Variants in SPDEF observed in about 807,000 individuals in gnomAD.
SPDEF encodes SAM pointed domain-containing Ets transcription factor.
SPDEF carries 12 observed loss-of-function variants against 36.0 expected under a neutral mutation model. The observed-to-expected ratio is 0.33, with a 90% confidence interval of 0.21 to 0.54. SPDEF has a LOEUF of 0.54. Ranked by LOEUF, SPDEF falls within the 20% of genes least tolerant of loss-of-function variation. SPDEF has a pLI of 0.93. For missense variants in SPDEF, 388 were observed against 456.9 expected (o/e 0.85, Z 1.37); for synonymous variants, 205 against 193.0 (o/e 1.06, Z -0.51).
At chr6:34,553,724 C>T (rs529357690) in intron 1 of SPDEF, among the ~76,000 whole-genome samples, 28 of 151,688 alleles carry the variant, frequency 1.8e-4, no homozygotes, top group African/African-American at 6.3e-4. Context: ...AAGGAAGAAG[C>T]GGAAGGTGAT....
At position 34,541,111 on chromosome 6, in the gene SPDEF, G is replaced by A; in HGVS notation, c.507C>T (p.Pro169=). The change falls in exon 3 of 6, where the codon CCC becomes CCT. Residue 169 remains proline (P), a synonymous_variant. Transcript: ENST00000374037. ...LLWTEHQYRL[P]PMGKAFQELA... The stretch of plus-strand genomic sequence containing the variant: ...GCTCCTGGAAGGCCTTGCCCATGGG[G>A]GGCAGCCGGTATTGGTGCTCTGTCC... The A allele has an allele frequency of 6.2e-7, 1 of 1,610,700 alleles. No individual in the cohort carries two copies. The highest frequency in any genetic ancestry group is 1.7e-5 in the Admixed American group (1 of 59,660).
At chr6:34,553,682 G>T (rs1768109785) in intron 1 of SPDEF, among the ~76,000 whole-genome samples, 1 of 152,126 alleles carries the variant, frequency 6.6e-6, no homozygotes, top group Non-Finnish European at 1.5e-5. Context: ...AGAGGAAAGA[G>T]AGAGGGAATG....
intron 2 of SPDEF, among the ~76,000 whole-genome samples, chr6:34,542,413 G>A (rs544825531): frequency 8.5e-5 from 13 of 152,358 alleles, no homozygotes; most frequent in Admixed American, 3.3e-4. Flanking sequence ...ACAGACACAT[G>A]TATGCCAGGC....
At chr6:34,542,886 CAAAA>C (rs758431726) in intron 2 of SPDEF, among the ~76,000 whole-genome samples, 66 of 53,560 alleles carry the variant, frequency 1.2e-3, no homozygotes, top group African/African-American at 4.0e-3. Flanking sequence ...GAGACCCTGT[CAAAA>C]AAAAAAAAAA....
At position 34,541,075 on chromosome 6, in the gene SPDEF, C is replaced by T. The variant is rs1427874145; in HGVS notation, c.543G>A (p.Lys181=). The T allele has an allele frequency of 6.2e-7, 1 of 1,612,134 alleles. No individual in the cohort carries two copies. Residue 181 remains lysine (K), a synonymous_variant, in exon 3 of 6, where the codon AAG becomes AAA. Coordinates refer to ENST00000374037, the MANE Select transcript of SPDEF (RefSeq NM_012391.3). ...MGKAFQELAG[K]ELCAMSEEQF... is the part of the protein sequence containing the mutation. Reference sequence around the variant, plus strand: ...GCTCCTCCGACATGGCGCACAGCTCCTTGCCCGCCAGCTCCTGGAAGGCCT... The same window carrying T: ...GCTCCTCCGACATGGCGCACAGCTCTTTGCCCGCCAGCTCCTGGAAGGCCT...
intron 1 of SPDEF, among the ~76,000 whole-genome samples, chr6:34,549,835 G>A (rs1032187566): frequency 4.6e-5 from 7 of 152,296 alleles, no homozygotes; most frequent in Non-Finnish European, 7.4e-5. Flanking sequence ...GCCCCCAGCC[G>A]GCCTCACTGC....
In SPDEF at chr6:34,539,267, C is replaced by T; in HGVS notation, c.812G>A (p.Trp271Ter). 6.2e-7 allele frequency: 1 copy of T among 1,613,868 alleles called. No individual in the cohort carries two copies. Among genetic ancestry groups the T allele is most frequent in the South Asian group, 1.1e-5 (1 of 91,082 alleles). Residue 271 changes from tryptophan to a stop codon, truncating the protein, a stop_gained, in exon 5 of 6, where the codon TGG (tryptophan) becomes TAG (stop). Transcript: ENST00000374037. LOFTEE classifies it high-confidence loss of function. This position sits in a 1 kb window ranked among gnomAD's most constrained non-coding sequence, Gnocchi z 5.2. Reference sequence around the variant, plus strand: ...CTGCTCACCCTTCTCCTTGTTGAGCCACCTAATGAAGCGGCCATAGCTGTG... The same window carrying T: ...CTGCTCACCCTTCTCCTTGTTGAGCTACCTAATGAAGCGGCCATAGCTGTG... ...KPHSYGRFIR[W>*]LNKEKGIFKI...
intron 1 of SPDEF, among the ~76,000 whole-genome samples, chr6:34,553,925 C>A (rs1463481966): frequency 2.0e-5 from 3 of 151,384 alleles, no homozygotes; most frequent in African/African-American, 7.3e-5. Context: ...GCCCCCGCAC[C>A]CGCCACCACC....
chr6:34,550,801 G>A (rs760214629), intron 1 of SPDEF, among the ~76,000 whole-genome samples: 1 of 152,138 alleles, frequency 6.6e-6, no homozygotes, highest in Non-Finnish European at 1.5e-5. Flanking sequence ...GCAGGAAGAC[G>A]GGGCACTGGA....
chr6:34,543,409 C>T (rs576210102), intron 2 of SPDEF, among the ~76,000 whole-genome samples: 5 of 152,136 alleles, frequency 3.3e-5, no homozygotes, highest in East Asian at 1.9e-4. Flanking sequence ...AGATATGGTG[C>T]GGCACGTCCG....
chr6:34,544,556 G>A lies in SPDEF; in HGVS notation c.-29-72C>T. On this transcript the variant is annotated intron_variant, in intron 1 of 5. Coordinates refer to ENST00000374037, the MANE Select transcript of SPDEF (RefSeq NM_012391.3). The surrounding 1 kb of genome is among the most constrained non-coding windows in gnomAD (Gnocchi z 4.4). ...GTGGGGGCCGCTAAGCTGGTTATGG[G>A]GATGAGGGGCCCTGTGGACAGTGGG... The A allele has an allele frequency of 2.4e-6, 3 of 1,262,860 alleles. No individual in the cohort carries two copies. Among genetic ancestry groups the A allele is most frequent in the Non-Finnish European group, 3.2e-6 (3 of 944,476 alleles). 78.2% of individuals were successfully genotyped at this position (1,262,860 alleles called of 1,614,324 possible).
In SPDEF at chr6:34,539,180, G is replaced by C; in HGVS notation, c.829+70C>G. ...CTGCCCGCCCCTGCCCCCATGCACC[G>C]TGCCTGGCAGAAGCCCCCACAACCT... On this transcript the variant is annotated intron_variant, in intron 5 of 5. Coordinates refer to ENST00000374037, the MANE Select transcript of SPDEF (RefSeq NM_012391.3). The surrounding 1 kb of genome is among the most constrained non-coding windows in gnomAD (Gnocchi z 5.2). 2 of 1,572,114 alleles carry C rather than the reference G, an allele frequency of 1.3e-6. No homozygotes were observed. The highest frequency in any genetic ancestry group is 2.3e-5 in the South Asian group (2 of 86,474).
intron 1 of SPDEF, among the ~76,000 whole-genome samples, chr6:34,549,510 A>C (rs192988521): frequency 1.3e-5 from 2 of 152,164 alleles, no homozygotes; most frequent in African/African-American, 4.8e-5. Context: ...CCCACACCCC[A>C]ACTGGCATCA....
chr6:34,546,426 C>T (rs1007917867), intron 1 of SPDEF, among the ~76,000 whole-genome samples: 3 of 151,992 alleles, frequency 2.0e-5, no homozygotes, highest in African/African-American at 7.3e-5. Context: ...GAGACTGACC[C>T]GCGCAGCCTC....
intron 1 of SPDEF, among the ~76,000 whole-genome samples, chr6:34,549,964 G>C (rs1402613027): frequency 1.3e-5 from 2 of 152,216 alleles, no homozygotes; most frequent in African/African-American, 4.8e-5. Context: ...AAATGGGCTG[G>C]AGTCAGGGGC....
At chr6:34,549,328 G>A (rs1561980803) in intron 1 of SPDEF, among the ~76,000 whole-genome samples, 1 of 152,144 alleles carries the variant, frequency 6.6e-6, no homozygotes, top group Non-Finnish European at 1.5e-5. Flanking sequence ...AGCCACCTTG[G>A]GCCCCTTCTC....
rs577697671 is a variant in SPDEF, at chr6:34,548,155, C to T, written c.-29-3671G>A. 9.7e-4 allele frequency among the ~76,000 whole-genome samples: 148 copies of T among 152,356 alleles called. 1 individual carries two copies. Among genetic ancestry groups the T allele is most frequent in the South Asian group, 8.9e-3 (43 of 4,830 alleles). On this transcript the variant is annotated intron_variant, in intron 1 of 5. Coordinates refer to ENST00000374037, the MANE Select transcript of SPDEF (RefSeq NM_012391.3). ...CCCACATCACCCGCTTTCCTACCCA[C>T]AGCCAGGGTGACGTGGACTCCAGAG...
At position 34,545,934 on chromosome 6, in the gene SPDEF, G is replaced by GCA. The variant is rs374777796; in HGVS notation, c.-29-1452_-29-1451dup. On this transcript the variant is annotated intron_variant, in intron 1 of 5. Coordinates refer to ENST00000374037, the MANE Select transcript of SPDEF (RefSeq NM_012391.3). ...TCTCGAAAAAAAAAACAAAACACAC[G>GCA]CACACACACACAAAGAATACGTCAA... Among the ~76,000 whole-genome samples the GCA allele has an allele frequency of 6.9e-3, 1,049 of 151,420 alleles. 15 individuals are homozygous for GCA. Among genetic ancestry groups the GCA allele is most frequent in the African/African-American group, 0.024 (995 of 41,302 alleles).
Position 34,541,187 on chromosome 6 carries a change from C to A in SPDEF, c.437-6G>T. 6.3e-7 allele frequency: 1 copy of A among 1,592,074 alleles called. No individual in the cohort carries two copies. Among genetic ancestry groups the A allele is most frequent in the South Asian group, 1.1e-5 (1 of 87,960 alleles). The stretch of plus-strand genomic sequence containing the variant: ...GGGGCTCCAGTCCATGGGATCTGGG[C>A]AAGAGGCATCCCCTCAGCTCAGGGG... On this transcript the variant is annotated splice_polypyrimidine_tract_variant and splice_region_variant and intron_variant, in intron 2 of 5. Coordinates refer to ENST00000374037, the MANE Select transcript of SPDEF (RefSeq NM_012391.3).
Sources: gnomAD v4.1 joint callset for allele counts (sites outside exome capture counted in the v4.1 genomes callset) on GRCh38, gnomAD v4.1.1 for gene constraint, Gnocchi (gnomAD v3.1) non-coding constraint, MANE v1.5 for transcripts, NCBI Gene and HGNC (gene_info 2026-07-23, HGNC 2026-07-21) for gene names.